BMPR1B: variants seen among roughly 807,000 people sequenced by gnomAD.
The protein encoded by BMPR1B is bone morphogenetic protein receptor type-1B.
A neutral mutation model predicts 59.1 loss-of-function variants in BMPR1B; 12 were observed. That is an observed-to-expected ratio of 0.20 (90% CI 0.13 to 0.33). The LOEUF (loss-of-function observed/expected upper bound fraction) is 0.33, where lower values mean the gene tolerates loss of function less well. Among genes scored for constraint, BMPR1B ranks in the 10% least tolerant of loss-of-function variants. The pLI is 1.00. For synonymous variants in BMPR1B, 237 were observed against 207.3 expected (o/e 1.14, Z -1.23); for missense variants, 550 against 610.9 (o/e 0.90, Z 1.05).
chr4:95,153,394 G>A (rs551514866), intron 12 of BMPR1B, among the ~76,000 whole-genome samples: 3 of 151,962 alleles, frequency 2.0e-5, no homozygotes, highest in East Asian at 1.9e-4. Context: ...TTCCACCCTC[G>A]CAGCCTTCAA....
At chr4:94,852,358 A>G (rs370246296) in intron 1 of BMPR1B, among the ~76,000 whole-genome samples, 2 of 152,176 alleles carry the variant, frequency 1.3e-5, no homozygotes, top group East Asian at 1.9e-4. Context: ...ATACACACAT[A>G]TGGACATTAC....
intron 2 of BMPR1B, among the ~76,000 whole-genome samples, chr4:94,890,909 A>G (rs577761796): frequency 6.6e-6 from 1 of 152,034 alleles, no homozygotes; most frequent in Non-Finnish European, 1.5e-5. Flanking sequence ...GGATGACACA[A>G]TTCAGTCCAT....
intron 1 of BMPR1B, among the ~76,000 whole-genome samples, chr4:94,836,674 G>A (rs1315084218): frequency 6.8e-6 from 1 of 146,822 alleles, no homozygotes; most frequent in Non-Finnish European, 1.5e-5. Flanking sequence ...TGTCAGATGA[G>A]TAGGTTGCGA....
intron 1 of BMPR1B, among the ~76,000 whole-genome samples, chr4:94,842,991 A>T (rs946283467): frequency 1.3e-5 from 2 of 152,154 alleles, no homozygotes; most frequent in Non-Finnish European, 2.9e-5. Context: ...TGAAACAGGG[A>T]TCATAAAAAC....
intron 1 of BMPR1B, among the ~76,000 whole-genome samples, chr4:94,857,560 T>C (rs1022213414): frequency 6.6e-6 from 1 of 152,200 alleles, no homozygotes; most frequent in Non-Finnish European, 1.5e-5. Context: ...TCCGATATAA[T>C]GTACTTTATA....
intron 3 of BMPR1B, among the ~76,000 whole-genome samples, chr4:95,081,508 C>T (rs923967246): frequency 6.6e-6 from 1 of 152,148 alleles, no homozygotes; most frequent in Non-Finnish European, 1.5e-5. Flanking sequence ...TTTTGTGAAG[C>T]TTTTATCCAC....
At position 95,023,561 on chromosome 4, in the gene BMPR1B, TA is replaced by T. The variant is rs1243220918; in HGVS notation, c.-18+27430del. 8.0e-5 allele frequency among the ~76,000 whole-genome samples: 11 copies of T among 137,570 alleles called. No homozygotes were observed. In the South Asian group the frequency reaches 1.6e-3, roughly 20 times the overall value. The allele number at this position is 137,570 out of a possible 152,430, so 90.3% of individuals were successfully genotyped here. On this transcript the variant is annotated intron_variant, in intron 3 of 12. Transcript: ENST00000515059. ...CATGCCTGGCTAATTTTTTTTTTTT[TA>T]AATTGATAGAAATGAAGTCTTGCCA...
At chr4:95,087,891 A>G (rs961718711) in intron 3 of BMPR1B, among the ~76,000 whole-genome samples, 1 of 152,226 alleles carries the variant, frequency 6.6e-6, no homozygotes, top group Non-Finnish European at 1.5e-5. Context: ...TGCCAGTAGT[A>G]CCATAAATGT....
chr4:95,088,162 A>C (rs1729729567), intron 3 of BMPR1B, among the ~76,000 whole-genome samples: 1 of 152,176 alleles, frequency 6.6e-6, no homozygotes, highest in Admixed American at 6.5e-5. Flanking sequence ...TATTTAATTG[A>C]GACTTTTCTG....
At chr4:95,090,261 G>A (rs1404285831) in intron 3 of BMPR1B, among the ~76,000 whole-genome samples, 1 of 151,424 alleles carries the variant, frequency 6.6e-6, no homozygotes, top group Admixed American at 6.6e-5. Context: ...TGTTTAACAT[G>A]TTCTTTAATA....
chr4:95,074,624 A>G (rs545149061), intron 3 of BMPR1B, among the ~76,000 whole-genome samples: 163 of 152,198 alleles, frequency 1.1e-3, no homozygotes, highest in African/African-American at 3.8e-3. Flanking sequence ...TTCTAATATG[A>G]TACAAATAAT....
intron 1 of BMPR1B, among the ~76,000 whole-genome samples, chr4:94,818,968 G>GA (rs1724108689): frequency 6.6e-6 from 1 of 151,604 alleles, no homozygotes; most frequent in Non-Finnish European, 1.5e-5. Context: ...CCCAACTCTA[G>GA]AAAAAAAATT....
Position 95,104,463 on chromosome 4 carries a change from C to T in BMPR1B, c.39C>T (p.Thr13=). The T allele has an allele frequency of 1.2e-6, 2 of 1,613,326 alleles. No homozygotes were observed. Among genetic ancestry groups the T allele is most frequent in the Non-Finnish European group, 1.7e-6 (2 of 1,179,600 alleles). ...LRSAGKLNVG[T]KKEDGESTAP... is the part of the protein sequence containing the mutation. ...GTGCAGGAAAATTAAATGTGGGCAC[C>T]AAGAAAGAGGATGGTGAGAGTACAG... The change falls in exon 4 of 13, where the codon ACC becomes ACT. Residue 13 remains threonine (T), a synonymous_variant. Transcript: ENST00000515059.
intron 3 of BMPR1B, among the ~76,000 whole-genome samples, chr4:95,035,611 G>T (rs1725182130): frequency 6.6e-6 from 1 of 151,926 alleles, no homozygotes; most frequent in Non-Finnish European, 1.5e-5. Context: ...TTTATTTCTG[G>T]GTTCTCTATT....
At chr4:95,090,155 C>T (rs1041479820) in intron 3 of BMPR1B, among the ~76,000 whole-genome samples, 1 of 151,970 alleles carries the variant, frequency 6.6e-6, no homozygotes, top group African/African-American at 2.4e-5. Context: ...GATTTTAATA[C>T]ATATCCTATG....
intron 8 of BMPR1B, among the ~76,000 whole-genome samples, chr4:95,128,052 A>G (rs575511146): frequency 6.6e-6 from 1 of 152,032 alleles, no homozygotes; most frequent in East Asian, 1.9e-4. Flanking sequence ...CACCTGGCTA[A>G]TTTTCATATT....
intron 3 of BMPR1B, among the ~76,000 whole-genome samples, chr4:95,092,071 A>T (rs1003995521): frequency 6.6e-6 from 1 of 152,236 alleles, no homozygotes; most frequent in Admixed American, 6.6e-5. Context: ...TTCTAAATTC[A>T]TAGGTTATAA....
intron 2 of BMPR1B, among the ~76,000 whole-genome samples, chr4:94,989,186 C>G (rs1334071477): frequency 1.3e-5 from 2 of 151,784 alleles, no homozygotes; most frequent in Non-Finnish European, 2.9e-5. Flanking sequence ...GTGAAGAGAT[C>G]GAGACCATCC....
At chr4:95,067,045 G>A (rs1245611201) in intron 3 of BMPR1B, among the ~76,000 whole-genome samples, 1 of 152,174 alleles carries the variant, frequency 6.6e-6, no homozygotes, top group African/African-American at 2.4e-5. Flanking sequence ...CATCTCTGAA[G>A]GATGTATTGG....
Sources: gnomAD v4.1 joint callset for allele counts (sites outside exome capture counted in the v4.1 genomes callset) on GRCh38, gnomAD v4.1.1 for gene constraint, MANE v1.5 for transcripts, NCBI Gene and HGNC (gene_info 2026-07-23, HGNC 2026-07-21) for gene names.